WDR59: variants seen among roughly 807,000 people sequenced by gnomAD.
The protein encoded by WDR59 is GATOR2 complex protein WDR59.
WDR59 carries 100 observed loss-of-function variants against 131.2 expected under a neutral mutation model. That is an observed-to-expected ratio of 0.76 (90% CI 0.65 to 0.90). The LOEUF is 0.90. Ranked by LOEUF, WDR59 falls within the 40% of genes least tolerant of loss-of-function variation. The pLI, the probability that WDR59 is intolerant of heterozygous loss-of-function variation, is 0.00. For synonymous variants in WDR59, 601 were observed against 466.2 expected, an observed-to-expected ratio of 1.29 and a Z score of -3.72; for missense variants, 1,203 against 1,262.2, an observed-to-expected ratio of 0.95 and a Z score of 0.71.
chr16:74,975,848 A>G (rs1381737757), intron 1 of WDR59, among the ~76,000 whole-genome samples: 2 of 151,186 alleles, frequency 1.3e-5, no homozygotes, highest in African/African-American at 4.9e-5. Flanking sequence ...TTTATATTAA[A>G]TTTTCTAGAA....
chr16:74,983,160 C>A (rs1567452031), intron 1 of WDR59, among the ~76,000 whole-genome samples: 1 of 151,878 alleles, frequency 6.6e-6, no homozygotes. Context: ...CTGGGCAACA[C>A]AAAGAGACTC....
intron 8 of WDR59, among the ~76,000 whole-genome samples, chr16:74,934,139 T>C (rs1005974674): frequency 2.0e-5 from 3 of 152,158 alleles, no homozygotes; most frequent in Non-Finnish European, 4.4e-5. Flanking sequence ...AAATCCACAG[T>C]ATGTGGAAAG....
chr16:74,909,451 C>G, intron 16 of WDR59, 50 bp downstream of exon 16: 1 of 1,498,294 alleles, frequency 6.7e-7, no homozygotes, highest in Non-Finnish European at 8.9e-7. Flanking sequence ...CTATGACATT[C>G]TTAGCTGCTC....
chr16:74,890,891 G>A (rs373102801), intron 20 of WDR59, among the ~76,000 whole-genome samples: 11 of 152,056 alleles, frequency 7.2e-5, no homozygotes, highest in East Asian at 3.9e-4. Flanking sequence ...TGAGGTGGGC[G>A]AATCACCAGG....
At chr16:74,934,013 G>A (rs1004664356) in intron 8 of WDR59, among the ~76,000 whole-genome samples, 8 of 152,112 alleles carry the variant, frequency 5.3e-5, no homozygotes, top group Non-Finnish European at 1.0e-4. Flanking sequence ...TGGCCACAGG[G>A]TAAACTATAA....
chr16:74,973,312 T>A (rs1242736348), intron 1 of WDR59, among the ~76,000 whole-genome samples: 1 of 120,830 alleles, frequency 8.3e-6, no homozygotes, highest in Non-Finnish European at 2.1e-5. Context: ...AGATTGGGGT[T>A]GGCGGGGGGG....
intron 1 of WDR59, among the ~76,000 whole-genome samples, chr16:74,974,854 T>C (rs2034124151): frequency 6.6e-6 from 1 of 152,210 alleles, no homozygotes; most frequent in Admixed American, 6.5e-5. Flanking sequence ...ATATACTGTG[T>C]GCGTCTACAG....
intron 8 of WDR59, among the ~76,000 whole-genome samples, chr16:74,934,340 TC>T (rs1202733936): frequency 1.3e-5 from 2 of 152,196 alleles, no homozygotes; most frequent in African/African-American, 4.8e-5. Context: ...AGATTTTGTT[TC>T]TAGATTTAAA....
At chr16:74,957,167 G>A (rs372070105) in intron 2 of WDR59, among the ~76,000 whole-genome samples, 11 of 146,000 alleles carry the variant, frequency 7.5e-5, no homozygotes, top group South Asian at 4.3e-4. Flanking sequence ...TGCAACCTCC[G>A]CTTCCCAAGT....
intron 18 of WDR59, among the ~76,000 whole-genome samples, chr16:74,899,534 C>G (rs1296294807): frequency 2.0e-5 from 3 of 152,140 alleles, no homozygotes; most frequent in African/African-American, 7.2e-5. Context: ...GGAGGCAGCC[C>G]TTGGTGTCTG....
In WDR59 at chr16:74,974,662, C is replaced by T. The variant is rs1439805562; in HGVS notation, c.55-8840G>A. 2.0e-5 allele frequency among the ~76,000 whole-genome samples: 3 copies of T among 152,220 alleles called. No homozygotes were observed. In the East Asian group the frequency reaches 5.8e-4, roughly 29 times the overall value. On this transcript the variant is annotated intron_variant, in intron 1 of 25. Coordinates refer to ENST00000262144, the MANE Select transcript of WDR59 (RefSeq NM_030581.4). The stretch of plus-strand genomic sequence containing the variant: ...GTGCCTCAACTGTATGTACAAACGA[C>T]GTAGTTTACGCTGAGTGCCTACTTT...
At chr16:74,980,649 G>T (rs997367432) in intron 1 of WDR59, among the ~76,000 whole-genome samples, 5 of 151,998 alleles carry the variant, frequency 3.3e-5, no homozygotes, top group Non-Finnish European at 7.4e-5. Flanking sequence ...CCTACGCCCA[G>T]CCAAAAAATC....
At chr16:74,972,588 C>A (rs751404503) in intron 1 of WDR59, among the ~76,000 whole-genome samples, 2 of 151,804 alleles carry the variant, frequency 1.3e-5, no homozygotes, top group Admixed American at 6.6e-5. Flanking sequence ...AATCTCAGCA[C>A]GATGGGAGGC....
At chr16:74,914,617 G>A (rs899502591) in intron 13 of WDR59, among the ~76,000 whole-genome samples, 34 of 150,668 alleles carry the variant, frequency 2.3e-4, no homozygotes, top group Non-Finnish European at 4.0e-4. Context: ...TTTTCGAGAC[G>A]GAGTCTTGCT....
At chr16:74,951,395 T>C in intron 4 of WDR59, 63 bp downstream of exon 4, 1 of 1,486,276 alleles carries the variant, frequency 6.7e-7, no homozygotes, top group Non-Finnish European at 9.2e-7. Context: ...GCATCATCAT[T>C]TCGTTCCCAG....
At chr16:74,971,497 A>T (rs565980704) in intron 1 of WDR59, among the ~76,000 whole-genome samples, 3 of 138,006 alleles carry the variant, frequency 2.2e-5, no homozygotes, top group Non-Finnish European at 4.5e-5. Flanking sequence ...CAGTGGCGCA[A>T]TCTCGGCTCA....
intron 6 of WDR59, among the ~76,000 whole-genome samples, chr16:74,945,895 G>A (rs139796898): frequency 0.014 from 2,052 of 145,372 alleles, 52 homozygotes; most frequent in African/African-American, 0.05. Context: ...CTCGCTCACC[G>A]CAACCTCCAC....
chr16:74,956,638 G>A, intron 2 of WDR59, 28 bp from the exon 3 acceptor site: 1 of 1,603,424 alleles, frequency 6.2e-7, no homozygotes, highest in East Asian at 2.2e-5. Context: ...CATTATAATA[G>A]TATAAAAACA....
chr16:74,947,068 G>A (rs1400468654), intron 6 of WDR59, among the ~76,000 whole-genome samples: 1 of 152,212 alleles, frequency 6.6e-6, no homozygotes, highest in East Asian at 1.9e-4. Context: ...AGCCCCAGTT[G>A]AGAATTCCAG....
Sources: gnomAD v4.1 joint callset for allele counts (sites outside exome capture counted in the v4.1 genomes callset) on GRCh38, gnomAD v4.1.1 for gene constraint, MANE v1.5 for transcripts, NCBI Gene and HGNC (gene_info 2026-07-23, HGNC 2026-07-21) for gene names.